Variants in STK32B observed in about 807,000 individuals in gnomAD.
STK32B encodes serine/threonine-protein kinase 32B.
In STK32B, 43 loss-of-function variants were observed where a neutral mutation model predicts 52.6. The ratio of observed to expected loss-of-function variants is 0.82; its 90% CI spans 0.64 to 1.05. STK32B has a LOEUF of 1.05. Among genes scored for constraint, STK32B ranks in the 50% least tolerant of loss-of-function variants. STK32B has a pLI of 0.00. For missense variants in STK32B, 621 were observed against 534.6 expected (o/e 1.16, Z -1.59); for synonymous variants, 238 against 204.3 (o/e 1.17, Z -1.41).
chr4:5,453,311 CAG>C lies in STK32B; in HGVS notation c.667-3495_667-3494del, dbSNP rs546046370. Among the ~76,000 whole-genome samples, 52 of 152,052 alleles carry C rather than the reference CAG, an allele frequency of 3.4e-4. 3 individuals carry two copies. In the South Asian group the frequency reaches 9.8e-3, roughly 29 times the overall value. ...GCACCTTGAATGACCAATAAGGAAA[CAG>C]GGAATGAAATGTAAATGATAAGAAA... On this transcript the variant is annotated intron_variant, in intron 7 of 11. Transcript: ENST00000282908. This position sits in a 1 kb window ranked among gnomAD's most constrained non-coding sequence, Gnocchi z 4.0.
intron 3 of STK32B, among the ~76,000 whole-genome samples, chr4:5,277,131 C>G (rs183437400): frequency 1.1e-3 from 168 of 152,204 alleles, no homozygotes; most frequent in African/African-American, 3.6e-3. Flanking sequence ...GGGCTTTTTT[C>G]TTTGTTTGTT....
intron 1 of STK32B, among the ~76,000 whole-genome samples, chr4:5,134,746 G>C (rs1015354450): frequency 6.6e-5 from 10 of 152,224 alleles, no homozygotes; most frequent in Admixed American, 3.3e-4. Flanking sequence ...ATGAGCCGCA[G>C]GTTTCAGGTT....
chr4:5,071,897 T>C (rs1560136521), intron 1 of STK32B, among the ~76,000 whole-genome samples: 1 of 152,178 alleles, frequency 6.6e-6, no homozygotes, highest in Non-Finnish European at 1.5e-5. Context: ...AAAACTATAA[T>C]TGAGAAACAT....
rs74810679 is a variant in STK32B, at chr4:5,086,396, C to T, written c.52+34481C>T. ...GAGTTTAAGGAAATCTCTTTATAGTCGTTAGATGACCACTAAGCTAATGGA... is the reference window on the plus strand; with the variant it reads ...GAGTTTAAGGAAATCTCTTTATAGTTGTTAGATGACCACTAAGCTAATGGA... On this transcript the variant is annotated intron_variant, in intron 1 of 11. Transcript: ENST00000282908. Among the ~76,000 whole-genome samples the T allele has an allele frequency of 1.1e-3, 161 of 151,950 alleles. 2 individuals are homozygous for T. The East Asian group carries it at 0.023, about 22-fold the overall frequency.
the STK32B span, among the ~76,000 whole-genome samples, chr4:5,022,150 C>T: frequency 7.7e-4 from 118 of 152,316 alleles, no homozygotes; most frequent in African/African-American, 2.8e-3. Flanking sequence ...TCCTCCGCAT[C>T]CTATGCATGA....
rs141573795 is a variant in STK32B at position 5,430,525 on chromosome 4, C to A, written c.562+13591C>A. ...GTTTTAAATTCCTTGTTTGTTAGGT[C>A]TGACATCTAGTTCATATCTGAGTAT... On this transcript the variant is annotated intron_variant, in intron 6 of 11. Transcript: ENST00000282908. Among the ~76,000 whole-genome samples the A allele has an allele frequency of 1.1e-3, 164 of 152,306 alleles. 1 individual carries two copies. Among genetic ancestry groups the A allele is most frequent in the African/African-American group, 3.6e-3 (150 of 41,556 alleles).
chr4:5,125,936 C>G (rs1372163923), intron 1 of STK32B, among the ~76,000 whole-genome samples: 1 of 152,068 alleles, frequency 6.6e-6, no homozygotes, highest in Non-Finnish European at 1.5e-5. Flanking sequence ...TACCGGAGGC[C>G]CTTGCCTCAA....
chr4:5,141,257 A>G (rs954781186), intron 2 of STK32B, among the ~76,000 whole-genome samples: 2 of 152,202 alleles, frequency 1.3e-5, no homozygotes, highest in Non-Finnish European at 2.9e-5. Flanking sequence ...GCTCTCATAC[A>G]GGGTGTCAGG....
At chr4:5,486,694 C>T (rs541013934) in intron 11 of STK32B, among the ~76,000 whole-genome samples, 17 of 152,304 alleles carry the variant, frequency 1.1e-4, no homozygotes, top group African/African-American at 3.6e-4. Flanking sequence ...GAGCTGTAGA[C>T]TGGGAGCTGT....
At chr4:5,370,984 ATGTG>A (rs149501017) in intron 4 of STK32B, among the ~76,000 whole-genome samples, 3 of 145,354 alleles carry the variant, frequency 2.1e-5, no homozygotes, top group Admixed American at 6.9e-5. Context: ...ATATATATAT[ATGTG>A]TGTGTGTGTA....
At chr4:5,296,649 A>G (rs1317476636) in intron 3 of STK32B, among the ~76,000 whole-genome samples, 3 of 152,052 alleles carry the variant, frequency 2.0e-5, no homozygotes, top group East Asian at 1.9e-4. Flanking sequence ...TTTTGAATCT[A>G]TATGTGTCTT....
At chr4:5,220,948 C>T (rs987095123) in intron 3 of STK32B, among the ~76,000 whole-genome samples, 23 of 152,208 alleles carry the variant, frequency 1.5e-4, no homozygotes, top group African/African-American at 5.5e-4. Context: ...GGGAAAGTTG[C>T]TACCATCTCT....
At chr4:5,081,841 T>C (rs1712455738) in intron 1 of STK32B, among the ~76,000 whole-genome samples, 1 of 152,238 alleles carries the variant, frequency 6.6e-6, no homozygotes, top group Non-Finnish European at 1.5e-5. Context: ...CTTTAAAAAC[T>C]ATTATTTTGA....
intron 3 of STK32B, among the ~76,000 whole-genome samples, chr4:5,261,102 A>T (rs529636853): frequency 6.6e-6 from 1 of 152,150 alleles, no homozygotes; most frequent in Non-Finnish European, 1.5e-5. Context: ...GTCTCCTCTC[A>T]GTACCTCCAG....
At chr4:5,196,645 C>T (rs905830884) in intron 3 of STK32B, among the ~76,000 whole-genome samples, 6 of 151,696 alleles carry the variant, frequency 4.0e-5, no homozygotes, top group South Asian at 4.2e-4. Flanking sequence ...TGCTTGAACC[C>T]GGGAGGCGGA....
intron 3 of STK32B, among the ~76,000 whole-genome samples, chr4:5,305,695 A>G (rs375672393): frequency 3.6e-4 from 55 of 151,798 alleles, no homozygotes; most frequent in African/African-American, 1.3e-3. Flanking sequence ...GTTTGTTTCC[A>G]TTTTATTTAG....
chr4:5,463,529 T>A (rs535440427), intron 9 of STK32B, among the ~76,000 whole-genome samples: 1 of 151,846 alleles, frequency 6.6e-6, no homozygotes, highest in East Asian at 1.9e-4. Context: ...CCCACACACA[T>A]ATGCACACGT....
rs538140565 is a variant in STK32B at position 5,383,574 on chromosome 4, A to G, written c.435-14633A>G. 3.9e-5 allele frequency among the ~76,000 whole-genome samples: 6 copies of G among 152,284 alleles called. No homozygotes were observed. The East Asian group carries it at 1.2e-3, about 29-fold the overall frequency. ...CTCTCAATCCTCAGGAGGCATTGGA[A>G]CTGCACAGGGGCTTATGGGAAATGG... On this transcript the variant is annotated intron_variant, in intron 4 of 11. Coordinates refer to ENST00000282908, the MANE Select transcript of STK32B (RefSeq NM_018401.3).
chr4:5,208,160 C>A lies in STK32B; in HGVS notation c.260+39710C>A, dbSNP rs139277748. On this transcript the variant is annotated intron_variant, in intron 3 of 11. Transcript: ENST00000282908. ...GATTCAGGATTGTAGGTTGATGGTA[C>A]CTCTTGAGCCCTGACCATGTGAGGG... is the stretch of plus-strand genomic sequence containing the variant. Among the ~76,000 whole-genome samples the A allele has an allele frequency of 4.5e-3, 677 of 151,764 alleles. 6 individuals are homozygous for A. The highest frequency in any genetic ancestry group is 0.024 in the Middle Eastern group (7 of 294).
Sources: gnomAD v4.1 joint callset for allele counts (sites outside exome capture counted in the v4.1 genomes callset) on GRCh38, gnomAD v4.1.1 for gene constraint, Gnocchi (gnomAD v3.1) non-coding constraint, MANE v1.5 for transcripts, NCBI Gene and HGNC (gene_info 2026-07-23, HGNC 2026-07-21) for gene names.